The following SEMA6D variants were observed in gnomAD, a reference collection of about 807,000 sequenced individuals.
The protein encoded by SEMA6D is semaphorin-6D.
Under a neutral mutation model 106.6 loss-of-function variants are expected in SEMA6D, and 35 were observed. That is an observed-to-expected ratio of 0.33 (90% CI 0.25 to 0.44). The LOEUF is 0.44. SEMA6D is among the 20% of genes least tolerant of loss of function. SEMA6D has a pLI of 1.00. For missense variants in SEMA6D, 1,185 were observed against 1,345.9 expected (o/e 0.88, Z 1.87); for synonymous variants, 499 against 487.7 (o/e 1.02, Z -0.31).
chr15:47,667,537 T>C (rs1481900899), intron 4 of SEMA6D, among the ~76,000 whole-genome samples: 1 of 152,138 alleles, frequency 6.6e-6, no homozygotes, highest in African/African-American at 2.4e-5. Flanking sequence ...GATCGGGCTG[T>C]TCTAACAAAA....
chr15:47,639,726 C>T (rs1000357982), intron 4 of SEMA6D, among the ~76,000 whole-genome samples: 1 of 152,156 alleles, frequency 6.6e-6, no homozygotes, highest in African/African-American at 2.4e-5. Context: ...TCCAGTCTTC[C>T]TCTCAATAAC....
At chr15:47,360,993 C>T (rs1183144432) in intron 1 of SEMA6D, among the ~76,000 whole-genome samples, 1 of 152,244 alleles carries the variant, frequency 6.6e-6, no homozygotes, top group Non-Finnish European at 1.5e-5. Flanking sequence ...GCAGGCAGAA[C>T]TCTGCAGGTT....
At chr15:47,693,876 A>G (rs1013368639) in intron 4 of SEMA6D, among the ~76,000 whole-genome samples, 8 of 152,070 alleles carry the variant, frequency 5.3e-5, no homozygotes, top group Non-Finnish European at 1.2e-4. Flanking sequence ...CCCAAGAGTT[A>G]GATATTCAGT....
At chr15:47,325,797 A>G (rs2037108958) in intron 1 of SEMA6D, among the ~76,000 whole-genome samples, 1 of 152,170 alleles carries the variant, frequency 6.6e-6, no homozygotes, top group Admixed American at 6.5e-5. Context: ...TTACATATTG[A>G]TATTTCATTT....
intron 4 of SEMA6D, among the ~76,000 whole-genome samples, chr15:47,673,917 T>A (rs1250454634): frequency 6.6e-6 from 1 of 152,218 alleles, no homozygotes; most frequent in Non-Finnish European, 1.5e-5. Context: ...TGTGCAGTGC[T>A]TTCTCAAGCT....
At chr15:47,358,333 T>G (rs1279786777) in intron 1 of SEMA6D, among the ~76,000 whole-genome samples, 1 of 147,124 alleles carries the variant, frequency 6.8e-6, no homozygotes, top group African/African-American at 2.7e-5. Context: ...TTGGCCTTTT[T>G]TGTTCATAAT....
intron 1 of SEMA6D, among the ~76,000 whole-genome samples, chr15:47,754,283 C>T (rs1019056879): frequency 2.0e-5 from 3 of 152,180 alleles, no homozygotes; most frequent in Non-Finnish European, 4.4e-5. Context: ...TTAACCTTCC[C>T]TATAAATTCC....
chr15:47,563,301 G>A (rs949519833), intron 3 of SEMA6D, among the ~76,000 whole-genome samples: 1 of 152,122 alleles, frequency 6.6e-6, no homozygotes, highest in Non-Finnish European at 1.5e-5. Flanking sequence ...TCACTGAAGT[G>A]TAAACTTTTA....
intron 3 of SEMA6D, among the ~76,000 whole-genome samples, chr15:47,595,510 G>T (rs2076518262): frequency 6.6e-6 from 1 of 152,064 alleles, no homozygotes; most frequent in Non-Finnish European, 1.5e-5. Flanking sequence ...TTTTTGCATT[G>T]ATGTTCATCA....
At chr15:47,723,374 A>G (rs1372888732) in intron 1 of SEMA6D, among the ~76,000 whole-genome samples, 1 of 152,118 alleles carries the variant, frequency 6.6e-6, no homozygotes, top group Non-Finnish European at 1.5e-5. Flanking sequence ...GGCAATATTC[A>G]TCACTCTCCA....
At chr15:47,480,393 C>T (rs940343240) in intron 3 of SEMA6D, among the ~76,000 whole-genome samples, 1 of 152,024 alleles carries the variant, frequency 6.6e-6, no homozygotes, top group Non-Finnish European at 1.5e-5. Flanking sequence ...AATAACCTCA[C>T]CCTGACAGTC....
intron 2 of SEMA6D, among the ~76,000 whole-genome samples, chr15:47,426,522 G>A (rs917774639): frequency 6.6e-6 from 1 of 152,078 alleles, no homozygotes; most frequent in Non-Finnish European, 1.5e-5. Context: ...TATAGGGAAG[G>A]ATAGGGCCTT....
At chr15:47,258,744 T>G (rs2033930392) in intron 1 of SEMA6D, among the ~76,000 whole-genome samples, 1 of 152,142 alleles carries the variant, frequency 6.6e-6, no homozygotes, top group East Asian at 1.9e-4. Context: ...GCTCCGTAAT[T>G]GTGTGATCCA....
At chr15:47,647,299 G>C (rs1412387836) in intron 4 of SEMA6D, among the ~76,000 whole-genome samples, 4 of 152,212 alleles carry the variant, frequency 2.6e-5, no homozygotes, top group Non-Finnish European at 5.9e-5. Flanking sequence ...GAATTGTGCA[G>C]TTTGTTTTCA....
chr15:47,741,901 A>T (rs1415921372), intron 1 of SEMA6D, among the ~76,000 whole-genome samples: 1 of 152,170 alleles, frequency 6.6e-6, no homozygotes, highest in African/African-American at 2.4e-5. Flanking sequence ...GAGCAATTCT[A>T]CCCACTGTGG....
At chr15:47,462,997 C>T (rs1305792877) in intron 2 of SEMA6D, among the ~76,000 whole-genome samples, 2 of 151,882 alleles carry the variant, frequency 1.3e-5, no homozygotes, top group African/African-American at 4.8e-5. Context: ...GACGTAGCTA[C>T]AAGACCAATT....
Position 47,761,057 on chromosome 15 carries a change from C to A in SEMA6D, c.282+19C>A, listed in dbSNP as rs1320035914. ...CAACAAGGTGAGCAACTGTAGTTGG[C>A]AAATTTATTTACCTTCCCTCTGAAC... is the stretch of plus-strand genomic sequence containing the variant. On this transcript the variant is annotated intron_variant, in intron 4 of 18. Transcript: ENST00000536845. 1.9e-6 allele frequency: 3 copies of A among 1,612,592 alleles called. No individual in the cohort carries two copies. Among genetic ancestry groups the A allele is most frequent in the Non-Finnish European group, 1.7e-6 (2 of 1,179,086 alleles).
chr15:47,379,485 G>A (rs936111000), intron 1 of SEMA6D, among the ~76,000 whole-genome samples: 31 of 152,188 alleles, frequency 2.0e-4, no homozygotes, highest in Non-Finnish European at 3.7e-4. Flanking sequence ...TCACAGATAA[G>A]AAAAGCATAT....
chr15:47,390,831 C>G (rs1353513804), intron 1 of SEMA6D, among the ~76,000 whole-genome samples: 1 of 152,108 alleles, frequency 6.6e-6, no homozygotes, highest in African/African-American at 2.4e-5. Flanking sequence ...GTCTTCCCTA[C>G]TAGACTGAGT....
Sources: allele counts gnomAD v4.1 joint callset (sites outside exome capture counted in the v4.1 genomes callset), GRCh38; gene constraint gnomAD v4.1.1; transcripts MANE v1.5; gene names NCBI Gene and HGNC (gene_info 2026-07-23, HGNC 2026-07-21).